Variants in LRMDA observed in about 807,000 individuals in gnomAD.
LRMDA encodes leucine rich melanocyte differentiation associated.
In LRMDA, 18 loss-of-function variants were observed where a neutral mutation model predicts 29.8. That is an observed-to-expected ratio of 0.60 (90% CI 0.42 to 0.90). The LOEUF is 0.90. LRMDA is among the 40% of genes least tolerant of loss of function. LRMDA has a pLI of 0.00. For synonymous variants in LRMDA, 125 were observed against 109.4 expected (o/e 1.14, Z -0.89); for missense variants, 273 against 273.9 (o/e 1.00, Z 0.02).
chr10:76,182,523 C>T (rs143735600), intron 5 of LRMDA, among the ~76,000 whole-genome samples: 20 of 152,276 alleles, frequency 1.3e-4, no homozygotes, highest in African/African-American at 4.3e-4. Flanking sequence ...ACCATCATTG[C>T]CGGTGCCTCC....
chr10:76,268,606 C>T (rs886176996), intron 5 of LRMDA, among the ~76,000 whole-genome samples: 3 of 152,188 alleles, frequency 2.0e-5, no homozygotes, highest in Non-Finnish European at 4.4e-5. Context: ...TGGGCATCTG[C>T]ACTGTGTCCA....
intron 5 of LRMDA, chr10:76,242,149 T>C (rs1234463477): frequency 6.6e-6 from 1 of 152,242 alleles, no homozygotes; most frequent in East Asian, 1.9e-4. Flanking sequence ...CACTCCTCCT[T>C]AGTCAACCTG....
At chr10:75,859,644 C>T (rs1358606261) in intron 2 of LRMDA, among the ~76,000 whole-genome samples, 2 of 125,120 alleles carry the variant, frequency 1.6e-5, no homozygotes, top group Non-Finnish European at 3.2e-5. Flanking sequence ...CACACACACA[C>T]ACATACATCT....
intron 6 of LRMDA, among the ~76,000 whole-genome samples, chr10:76,466,846 TA>T (rs1188494976): frequency 6.6e-6 from 1 of 152,166 alleles, no homozygotes; most frequent in Non-Finnish European, 1.5e-5. Flanking sequence ...CAGCTTCTTT[TA>T]AAAAGTCGTA....
intron 2 of LRMDA, among the ~76,000 whole-genome samples, chr10:75,829,137 G>A (rs1844295346): frequency 6.6e-6 from 1 of 152,210 alleles, no homozygotes. Flanking sequence ...GGAGCTGAAT[G>A]GCTCTAGATG....
chr10:76,301,508 T>G (rs1003372212), intron 5 of LRMDA, among the ~76,000 whole-genome samples: 4 of 152,194 alleles, frequency 2.6e-5, no homozygotes, highest in Admixed American at 2.6e-4. Context: ...TAGGACCAAG[T>G]GCTTGCTTCA....
chr10:75,935,838 C>T (rs1318986694), intron 2 of LRMDA, among the ~76,000 whole-genome samples: 1 of 152,048 alleles, frequency 6.6e-6, no homozygotes, highest in African/African-American at 2.4e-5. Context: ...GCCCTCCTCC[C>T]AGAGGTTTGG....
intron 5 of LRMDA, among the ~76,000 whole-genome samples, chr10:76,130,954 T>C (rs983971999): frequency 3.9e-5 from 6 of 152,176 alleles, no homozygotes; most frequent in African/African-American, 1.4e-4. Flanking sequence ...TGAGCCACCA[T>C]GCCTGGCCCC....
Position 76,146,473 on chromosome 10 carries a change from G to T in LRMDA, c.516+87690G>T, listed in dbSNP as rs549644780. On this transcript the variant is annotated intron_variant, in intron 5 of 6. Transcript: ENST00000611255. ...GCCTTCTTTGTCTCTTTTTATCTTT[G>T]TTGGTTTAAAGTCTGTTTTATCAGA... Among the ~76,000 whole-genome samples, 4 of 151,366 alleles carry T rather than the reference G, an allele frequency of 2.6e-5. No homozygotes were observed. In the East Asian group the frequency reaches 5.8e-4, roughly 22 times the overall value.
intron 6 of LRMDA, among the ~76,000 whole-genome samples, chr10:76,518,527 C>T (rs1052810663): frequency 3.3e-5 from 5 of 152,012 alleles, no homozygotes; most frequent in Non-Finnish European, 1.5e-5. Context: ...ATTTGTAAGA[C>T]GTGCTGTTAT....
At chr10:75,530,704 A>G (rs538244533) in intron 2 of LRMDA, among the ~76,000 whole-genome samples, 1 of 152,254 alleles carries the variant, frequency 6.6e-6, no homozygotes, top group African/African-American at 2.4e-5. Context: ...GTAATGGCTC[A>G]CTGAGACTGG....
At chr10:76,084,008 T>A (rs999720663) in intron 5 of LRMDA, among the ~76,000 whole-genome samples, 1 of 152,072 alleles carries the variant, frequency 6.6e-6, no homozygotes, top group African/African-American at 2.4e-5. Context: ...CCTTTCTTTC[T>A]AGCAGAGGGC....
At chr10:75,989,509 T>TC (rs1337542067) in intron 2 of LRMDA, among the ~76,000 whole-genome samples, 1 of 152,142 alleles carries the variant, frequency 6.6e-6, no homozygotes, top group Admixed American at 6.5e-5. Flanking sequence ...ACCCCCATGA[T>TC]CCAGTCACCT....
At chr10:75,601,855 G>T (rs182479487) in intron 2 of LRMDA, among the ~76,000 whole-genome samples, 11 of 152,202 alleles carry the variant, frequency 7.2e-5, no homozygotes, top group African/African-American at 2.6e-4. Context: ...TTGACATAGG[G>T]TTTTTCTGAC....
chr10:76,165,808 T>TC (rs1289113817), intron 5 of LRMDA, among the ~76,000 whole-genome samples: 1 of 151,500 alleles, frequency 6.6e-6, no homozygotes, highest in African/African-American at 2.4e-5. Context: ...TCTTACCAAG[T>TC]CCCCCCCACA....
intron 2 of LRMDA, among the ~76,000 whole-genome samples, chr10:75,537,735 A>G (rs1221213785): frequency 6.6e-6 from 1 of 152,200 alleles, no homozygotes; most frequent in Non-Finnish European, 1.5e-5. Flanking sequence ...TCTTGGGTCC[A>G]GGGAGTTTAG....
chr10:75,556,919 A>G (rs557818644), intron 2 of LRMDA, among the ~76,000 whole-genome samples: 2 of 152,252 alleles, frequency 1.3e-5, no homozygotes, highest in African/African-American at 4.8e-5. Flanking sequence ...ATTCTAAAAA[A>G]TACTTCAAAA....
At chr10:75,899,019 G>C (rs1265658050) in intron 2 of LRMDA, among the ~76,000 whole-genome samples, 1 of 152,186 alleles carries the variant, frequency 6.6e-6, no homozygotes, top group African/African-American at 2.4e-5. Context: ...CTGGCCCTAT[G>C]CTGTGCATTG....
intron 5 of LRMDA, among the ~76,000 whole-genome samples, chr10:76,138,429 C>T (rs1379891573): frequency 1.3e-5 from 2 of 152,182 alleles, no homozygotes; most frequent in Non-Finnish European, 2.9e-5. Context: ...TTCTACTTCA[C>T]TATAAATAAA....
Sources: gnomAD v4.1 joint callset for allele counts (sites outside exome capture counted in the v4.1 genomes callset) on GRCh38, gnomAD v4.1.1 for gene constraint, MANE v1.5 for transcripts, NCBI Gene and HGNC (gene_info 2026-07-23, HGNC 2026-07-21) for gene names.